The following ESRRG variants were observed in gnomAD, a reference collection of about 807,000 sequenced individuals.
The protein encoded by ESRRG is estrogen-related receptor gamma.
ESRRG carries 13 observed loss-of-function variants against 44.0 expected under a neutral mutation model. The ratio of observed to expected loss-of-function variants is 0.30; its 90% CI spans 0.19 to 0.47. ESRRG has a LOEUF of 0.47. ESRRG is among the 20% of genes least tolerant of loss of function. ESRRG has a pLI of 1.00. For missense variants in ESRRG, 395 were observed against 580.6 expected (o/e 0.68, Z 3.29); for synonymous variants, 215 against 214.6 (o/e 1.00, Z -0.02).
intron 2 of ESRRG, among the ~76,000 whole-genome samples, chr1:216,755,161 T>C (rs1234907555): frequency 6.6e-6 from 1 of 152,060 alleles, no homozygotes; most frequent in Non-Finnish European, 1.5e-5. Context: ...TAAGATATTT[T>C]AAATAAAAAC....
chr1:216,765,481 G>A (rs2152365621), intron 2 of ESRRG, among the ~76,000 whole-genome samples: 1 of 152,218 alleles, frequency 6.6e-6, no homozygotes, highest in South Asian at 2.1e-4. Context: ...CAAGTTTACA[G>A]CTAGCTAGCA....
At chr1:216,744,430 A>C (rs2091136075) in intron 2 of ESRRG, among the ~76,000 whole-genome samples, 2 of 151,604 alleles carry the variant, frequency 1.3e-5, no homozygotes, top group Admixed American at 1.3e-4. Flanking sequence ...GTTTTAATCA[A>C]CTCCATCCCA....
intron 1 of ESRRG, among the ~76,000 whole-genome samples, chr1:216,684,254 T>C (rs1041963279): frequency 6.6e-6 from 1 of 152,238 alleles, no homozygotes; most frequent in African/African-American, 2.4e-5. Context: ...TGATTTCTTA[T>C]GCTTCCTGGT....
At chr1:216,902,993 G>A (rs77471668) in intron 2 of ESRRG, among the ~76,000 whole-genome samples, 117 of 152,278 alleles carry the variant, frequency 7.7e-4, no homozygotes, top group Middle Eastern at 6.8e-3. Context: ...AATGGCCTTT[G>A]TGTGAAAAGC....
intron 1 of ESRRG, among the ~76,000 whole-genome samples, chr1:217,051,834 C>A (rs1022434769): frequency 6.6e-6 from 1 of 152,184 alleles, no homozygotes; most frequent in Non-Finnish European, 1.5e-5. Flanking sequence ...ACAATCATAG[C>A]TCACTGCAGC....
At chr1:216,905,565 G>A (rs144890649) in intron 2 of ESRRG, among the ~76,000 whole-genome samples, 5 of 152,140 alleles carry the variant, frequency 3.3e-5, no homozygotes, top group South Asian at 2.1e-4. Flanking sequence ...GTATACTTAC[G>A]TAATAACGGA....
intron 1 of ESRRG, among the ~76,000 whole-genome samples, chr1:216,702,324 A>C (rs2081525902): frequency 6.6e-6 from 1 of 152,158 alleles, no homozygotes; most frequent in Admixed American, 6.5e-5. Context: ...GGCCAAAAAG[A>C]GACATTCACA....
chr1:216,636,432 G>A (rs1029484060), intron 3 of ESRRG, among the ~76,000 whole-genome samples: 24 of 152,194 alleles, frequency 1.6e-4, no homozygotes, highest in Non-Finnish European at 1.8e-4. Context: ...TTAGCACTTC[G>A]TGTTAGATAC....
intron 2 of ESRRG, among the ~76,000 whole-genome samples, chr1:216,756,609 T>C (rs2092461598): frequency 6.6e-6 from 1 of 151,940 alleles, no homozygotes; most frequent in Non-Finnish European, 1.5e-5. Context: ...CTAGCTACTT[T>C]AAAAGAGAAC....
At chr1:216,510,121 T>A (rs898480547) in intron 6 of ESRRG, among the ~76,000 whole-genome samples, 2 of 152,130 alleles carry the variant, frequency 1.3e-5, no homozygotes, top group African/African-American at 4.8e-5. Flanking sequence ...GGCTACATAT[T>A]AAAAACAATG....
chr1:216,709,434 G>A (rs980989054), intron 1 of ESRRG, among the ~76,000 whole-genome samples: 1 of 151,136 alleles, frequency 6.6e-6, no homozygotes, highest in South Asian at 2.1e-4. Context: ...CAAGTCTGAA[G>A]TTTCAAAATA....
chr1:216,563,639 A>C (rs1200561797), intron 5 of ESRRG, among the ~76,000 whole-genome samples: 1 of 152,218 alleles, frequency 6.6e-6, no homozygotes, highest in Admixed American at 6.5e-5. Flanking sequence ...AGGATGGGTC[A>C]AGAAAAAAAG....
intron 5 of ESRRG, among the ~76,000 whole-genome samples, chr1:216,555,073 A>G (rs948093117): frequency 1.3e-5 from 2 of 152,170 alleles, no homozygotes; most frequent in African/African-American, 4.8e-5. Context: ...CCTTTCACAC[A>G]TCAAAACCAC....
intron 2 of ESRRG, among the ~76,000 whole-genome samples, chr1:216,932,729 T>G (rs546564326): frequency 3.8e-4 from 55 of 144,938 alleles, no homozygotes; most frequent in African/African-American, 1.2e-3. Context: ...GTTTTTTTTT[T>G]TTTTTTTTTT....
intron 2 of ESRRG, among the ~76,000 whole-genome samples, chr1:216,787,670 G>A (rs1188608631): frequency 6.7e-6 from 1 of 150,090 alleles, no homozygotes; most frequent in Non-Finnish European, 1.5e-5. Flanking sequence ...AGAATTGCAT[G>A]TCTTTCACTT....
At chr1:217,018,415 C>T (rs1333100081) in intron 1 of ESRRG, among the ~76,000 whole-genome samples, 1 of 152,090 alleles carries the variant, frequency 6.6e-6, no homozygotes, top group African/African-American at 2.4e-5. Context: ...GATGTGGCAC[C>T]TTTCTGCTAA....
intron 2 of ESRRG, among the ~76,000 whole-genome samples, chr1:216,903,400 C>T (rs2059314605): frequency 6.7e-6 from 1 of 148,738 alleles, no homozygotes; most frequent in Non-Finnish European, 1.5e-5. Flanking sequence ...GCTGTATGTG[C>T]ATATATATGT....
At chr1:216,690,261 G>T (rs560069188) in intron 1 of ESRRG, among the ~76,000 whole-genome samples, 157 of 151,052 alleles carry the variant, frequency 1.0e-3, no homozygotes, top group South Asian at 2.5e-3. Context: ...ACCTGTGTGT[G>T]GTGTGTGTGT....
At chr1:216,780,197 C>T (rs1409459284) in intron 2 of ESRRG, among the ~76,000 whole-genome samples, 2 of 151,892 alleles carry the variant, frequency 1.3e-5, no homozygotes, top group African/African-American at 2.4e-5. Flanking sequence ...ATATAAATAC[C>T]ACCAGGGCCT....
Sources: allele counts gnomAD v4.1 joint callset (sites outside exome capture counted in the v4.1 genomes callset), GRCh38; gene constraint gnomAD v4.1.1; transcripts MANE v1.5; gene names NCBI Gene and HGNC (gene_info 2026-07-23, HGNC 2026-07-21).